Variants in CSMD2 observed in about 807,000 individuals in gnomAD.
CSMD2 encodes CUB and Sushi multiple domains 2.
CSMD2 carries 130 observed loss-of-function variants against 398.5 expected under a neutral mutation model. The ratio of observed to expected loss-of-function variants is 0.33; its 90% CI spans 0.28 to 0.38. CSMD2 has a LOEUF of 0.38. CSMD2 is among the 10% of genes least tolerant of loss of function. The probability of loss-of-function intolerance (pLI) is 1.00; values close to 1 mark genes in which losing one functional copy is unlikely to be tolerated. For synonymous variants in CSMD2, 1,828 were observed against 1,908.5 expected (o/e 0.96, Z 1.10); for missense variants, 3,829 against 4,764.9 (o/e 0.80, Z 5.78).
At chr1:34,162,631 G>A (rs1234412409) in intron 1 of CSMD2, among the ~76,000 whole-genome samples, 1 of 152,072 alleles carries the variant, frequency 6.6e-6, no homozygotes, top group African/African-American at 2.4e-5. Context: ...GGCAGAGGCA[G>A]GCGGATCACC....
chr1:34,092,525 C>G (rs942973353), intron 1 of CSMD2, among the ~76,000 whole-genome samples: 1 of 152,158 alleles, frequency 6.6e-6, no homozygotes, highest in African/African-American at 2.4e-5. Flanking sequence ...GAGAGCCAGA[C>G]AGTGGGCGCA....
intron 1 of CSMD2, among the ~76,000 whole-genome samples, chr1:34,126,923 C>CAGAGCAGAGAAAA (rs1662800554): frequency 6.6e-6 from 1 of 151,346 alleles, no homozygotes; most frequent in Non-Finnish European, 1.5e-5. Context: ...AAATCAGGGA[C>CAGAGCAGAGAAAA]TCAAAGAAAA....
intron 44 of CSMD2, among the ~76,000 whole-genome samples, chr1:33,597,332 T>C (rs542837054): frequency 1.3e-5 from 2 of 152,366 alleles, no homozygotes; most frequent in East Asian, 1.9e-4. Context: ...TTACTTTGCA[T>C]GGAATTCTAC....
intron 13 of CSMD2, among the ~76,000 whole-genome samples, chr1:33,768,678 G>GTGGGCCATTTCCCACAGCATCTCTT (rs1650867884): frequency 6.6e-6 from 1 of 151,680 alleles, no homozygotes; most frequent in Non-Finnish European, 1.5e-5. Flanking sequence ...CAGCATCTCT[G>GTGGGCCATTTCCCACAGCATCTCTT]TGGGCCATTT....
At chr1:33,736,432 G>T (rs1646887735) in intron 15 of CSMD2, among the ~76,000 whole-genome samples, 1 of 151,362 alleles carries the variant, frequency 6.6e-6, no homozygotes, top group Non-Finnish European at 1.5e-5. Context: ...AGTGAGCCAA[G>T]ATCACGCCAC....
At chr1:34,000,560 C>A (rs1646868739) in intron 3 of CSMD2, among the ~76,000 whole-genome samples, 1 of 152,064 alleles carries the variant, frequency 6.6e-6, no homozygotes, top group Non-Finnish European at 1.5e-5. Context: ...GAGTTCTGCA[C>A]ACTATTCTTT....
rs753830603 is a variant in CSMD2, at chr1:33,559,406, G to A, written c.8448C>T (p.Asn2816=). 25 of 1,536,008 alleles carry A rather than the reference G, an allele frequency of 1.6e-5. No individual in the cohort carries two copies. Among genetic ancestry groups the A allele is most frequent in the South Asian group, 7.1e-5 (6 of 84,066 alleles). ...GLTQGNQFNL[N]DVVKFVCNPG... is the part of the protein sequence containing the mutation. ...GGTTGCAAACAAACTTGACCACATC[G>A]TTGAGGTTAAACTGGTTACCCTGAG... The change falls in exon 54 of 71, where the codon AAC becomes AAT. Residue 2816 remains asparagine, a synonymous_variant. Coordinates refer to ENST00000373381, the MANE Select transcript of CSMD2 (RefSeq NM_001281956.2). This position sits in a 1 kb window ranked among gnomAD's most constrained non-coding sequence, Gnocchi z 4.0.
At chr1:34,017,343 T>G (rs957317381) in intron 3 of CSMD2, among the ~76,000 whole-genome samples, 3 of 152,246 alleles carry the variant, frequency 2.0e-5, no homozygotes, top group African/African-American at 7.2e-5. Flanking sequence ...GAAACTCTCT[T>G]GTCACTTCCA....
intron 5 of CSMD2, among the ~76,000 whole-genome samples, chr1:33,848,415 G>A (rs1328008982): frequency 6.6e-6 from 1 of 152,168 alleles, no homozygotes; most frequent in East Asian, 1.9e-4. Flanking sequence ...CCCTCCTCCA[G>A]TCTCCCACTG....
chr1:33,609,000 G>T (rs541028415), intron 41 of CSMD2, among the ~76,000 whole-genome samples: 43 of 152,300 alleles, frequency 2.8e-4, no homozygotes, highest in African/African-American at 1.0e-3. Flanking sequence ...GCCATCCGAC[G>T]CGTCATGACC....
chr1:33,562,234 C>T (rs979300391), intron 53 of CSMD2, among the ~76,000 whole-genome samples: 9 of 152,316 alleles, frequency 5.9e-5, no homozygotes, highest in Admixed American at 6.5e-5. Context: ...CTCTTACCCA[C>T]TGCTTCCCAC....
chr1:33,778,028 C>G (rs1652226823), intron 12 of CSMD2, among the ~76,000 whole-genome samples: 2 of 152,316 alleles, frequency 1.3e-5, no homozygotes, highest in South Asian at 2.1e-4. Context: ...CCTTCACTAA[C>G]TCATTATTCC....
intron 15 of CSMD2, among the ~76,000 whole-genome samples, chr1:33,736,820 AG>A (rs1180461518): frequency 2.0e-5 from 3 of 152,222 alleles, no homozygotes; most frequent in Admixed American, 2.0e-4. Context: ...TATCCAAGAA[AG>A]TGGTCCAGTG....
intron 3 of CSMD2, among the ~76,000 whole-genome samples, chr1:33,992,509 C>T (rs1398807843): frequency 1.3e-5 from 2 of 151,836 alleles, no homozygotes; most frequent in Admixed American, 1.3e-4. Flanking sequence ...AGTCACTGCA[C>T]CCAGCCCTAG....
chr1:33,993,778 G>T (rs965070268), intron 3 of CSMD2, among the ~76,000 whole-genome samples: 1 of 151,920 alleles, frequency 6.6e-6, no homozygotes, highest in Non-Finnish European at 1.5e-5. Flanking sequence ...CCACCCAGTT[G>T]CTTTCTCTCA....
chr1:33,657,413 G>A (rs950106574), intron 27 of CSMD2, among the ~76,000 whole-genome samples: 1 of 152,228 alleles, frequency 6.6e-6, no homozygotes, highest in Non-Finnish European at 1.5e-5. Context: ...GGTCAAGGCT[G>A]CAGTGAGTTG....
At chr1:33,882,963 G>T (rs1172920761) in intron 5 of CSMD2, among the ~76,000 whole-genome samples, 3 of 152,148 alleles carry the variant, frequency 2.0e-5, no homozygotes, top group Non-Finnish European at 2.9e-5. Flanking sequence ...GCTTGAAAGG[G>T]ATTCAGAGTC....
chr1:34,145,085 C>T (rs74966004), intron 1 of CSMD2, among the ~76,000 whole-genome samples: 4,450 of 152,268 alleles, frequency 0.029, 99 homozygotes, highest in African/African-American at 0.055. Context: ...GAAACTTTAG[C>T]CCCTTGGCAA....
intron 13 of CSMD2, among the ~76,000 whole-genome samples, chr1:33,755,076 C>A (rs1648803169): frequency 6.6e-6 from 1 of 151,878 alleles, no homozygotes; most frequent in Non-Finnish European, 1.5e-5. Context: ...TATAGCAGTG[C>A]CAATTTGTCT....
Sources: gnomAD v4.1 joint callset for allele counts (sites outside exome capture counted in the v4.1 genomes callset) on GRCh38, gnomAD v4.1.1 for gene constraint, Gnocchi (gnomAD v3.1) non-coding constraint, MANE v1.5 for transcripts, NCBI Gene and HGNC (gene_info 2026-07-23, HGNC 2026-07-21) for gene names.